The following SV2C variants were observed in gnomAD, a reference collection of about 807,000 sequenced individuals.
The protein encoded by SV2C is synaptic vesicle glycoprotein 2C.
Under a neutral mutation model 79.7 loss-of-function variants are expected in SV2C, and 49 were observed. The ratio of observed to expected loss-of-function variants is 0.61; its 90% CI spans 0.49 to 0.78. The LOEUF (loss-of-function observed/expected upper bound fraction) is 0.78, where lower values mean the gene tolerates loss of function less well. Ranked by LOEUF, SV2C falls within the 30% of genes least tolerant of loss-of-function variation. The probability of loss-of-function intolerance (pLI) is 0.00; values close to 1 mark genes in which losing one functional copy is unlikely to be tolerated. For synonymous variants in SV2C, 334 were observed against 333.2 expected, an observed-to-expected ratio of 1.00 and a Z score of -0.03; for missense variants, 833 against 912.9, an observed-to-expected ratio of 0.91 and a Z score of 1.13.
At chr5:75,954,355 C>G in the SV2C span, among the ~76,000 whole-genome samples, 1 of 151,980 alleles carries the variant, frequency 6.6e-6, no homozygotes, top group African/African-American at 2.4e-5. Flanking sequence ...AAGAGCCTAT[C>G]ATCTCTTGTC....
At chr5:75,973,051 T>C in the SV2C span, among the ~76,000 whole-genome samples, 1 of 152,026 alleles carries the variant, frequency 6.6e-6, no homozygotes. Flanking sequence ...CTGGAAACCA[T>C]CGTTCTCAGC....
At chr5:76,323,383 A>G (rs1398382459) in intron 12 of SV2C, among the ~76,000 whole-genome samples, 1 of 152,236 alleles carries the variant, frequency 6.6e-6, no homozygotes. Context: ...AAGTCAAGAA[A>G]CAATAGATGC....
the SV2C span, among the ~76,000 whole-genome samples, chr5:75,891,169 T>C: frequency 2.0e-4 from 30 of 152,112 alleles, no homozygotes; most frequent in Non-Finnish European, 7.4e-5. Context: ...CAGTATTGGT[T>C]GGGATGGAAA....
the SV2C span, among the ~76,000 whole-genome samples, chr5:76,050,278 G>A: frequency 0.018 from 2,729 of 152,288 alleles, 40 homozygotes; most frequent in South Asian, 0.049. Context: ...TGGTTTCAAT[G>A]TAGGGTGATC....
At chr5:75,908,158 T>C in the SV2C span, among the ~76,000 whole-genome samples, 7 of 152,264 alleles carry the variant, frequency 4.6e-5, no homozygotes, top group South Asian at 2.1e-4. Context: ...AGATAATTTT[T>C]AACACCTGCT....
chr5:75,963,002 T>C, the SV2C span, among the ~76,000 whole-genome samples: 1 of 151,886 alleles, frequency 6.6e-6, no homozygotes, highest in African/African-American at 2.4e-5. Flanking sequence ...GGAAAACAAC[T>C]AATGGCAACA....
chr5:75,943,355 A>T, the SV2C span, among the ~76,000 whole-genome samples: 6 of 152,174 alleles, frequency 3.9e-5, no homozygotes, highest in Admixed American at 6.6e-5. Flanking sequence ...TTTTTTCCCA[A>T]TAACATTGGC....
chr5:76,117,317 A>G (rs1324479337), intron 1 of SV2C, among the ~76,000 whole-genome samples: 1 of 152,238 alleles, frequency 6.6e-6, no homozygotes, highest in Non-Finnish European at 1.5e-5. Flanking sequence ...AATAACTGGC[A>G]CTGTAAGAAG....
chr5:75,871,830 TATATACACACACACAC>T, the SV2C span, among the ~76,000 whole-genome samples: 1 of 110,552 alleles, frequency 9.0e-6, no homozygotes, highest in East Asian at 2.3e-4. Flanking sequence ...TATATATATA[TATATACACACACACAC>T]ACACACACAC....
chr5:76,020,413 C>T, the SV2C span, among the ~76,000 whole-genome samples: 13 of 152,220 alleles, frequency 8.5e-5, no homozygotes, highest in East Asian at 5.8e-4. Flanking sequence ...TCATTCTGTC[C>T]GTGCTCTACT....
At chr5:75,970,185 G>C in the SV2C span, among the ~76,000 whole-genome samples, 2 of 151,838 alleles carry the variant, frequency 1.3e-5, no homozygotes, top group Non-Finnish European at 2.9e-5. Flanking sequence ...TGTGTAGAGG[G>C]AAATGTATAG....
At chr5:76,212,258 A>G (rs111848323) in intron 4 of SV2C, among the ~76,000 whole-genome samples, 2 of 152,302 alleles carry the variant, frequency 1.3e-5, no homozygotes, top group African/African-American at 4.8e-5. Flanking sequence ...TGAATAGGAA[A>G]TGCAGAGTCC....
At position 76,300,156 on chromosome 5, in the gene SV2C, AATTATT is replaced by A. The variant is rs142593511; in HGVS notation, c.1637-542_1637-537del. Among the ~76,000 whole-genome samples, 158 of 139,642 alleles carry A rather than the reference AATTATT, an allele frequency of 1.1e-3. 1 individual carries two copies. The highest frequency in any genetic ancestry group is 2.0e-3 in the Admixed American group (28 of 13,768). 91.6% of individuals were successfully genotyped at this position (139,642 alleles called of 152,430 possible). ...CAGCTCACTGCGGCCTCAAATAAAA[AATTATT>A]ATTATTATTATTATTATTATTATTA... On this transcript the variant is annotated intron_variant, in intron 10 of 12. Coordinates refer to ENST00000502798, the MANE Select transcript of SV2C (RefSeq NM_014979.4).
chr5:76,053,720 G>C, the SV2C span, among the ~76,000 whole-genome samples: 1 of 152,118 alleles, frequency 6.6e-6, no homozygotes. Flanking sequence ...CTCTGTTAAT[G>C]TTGAGATAAG....
At chr5:75,879,773 T>C in the SV2C span, among the ~76,000 whole-genome samples, 4 of 152,232 alleles carry the variant, frequency 2.6e-5, no homozygotes, top group Non-Finnish European at 5.9e-5. Flanking sequence ...GGACTCTGTG[T>C]AGTGACTTCA....
At chr5:75,926,048 C>T in the SV2C span, among the ~76,000 whole-genome samples, 1 of 152,170 alleles carries the variant, frequency 6.6e-6, no homozygotes, top group African/African-American at 2.4e-5. Flanking sequence ...GTTGAAATGG[C>T]TTCTGTTAAG....
intron 4 of SV2C, among the ~76,000 whole-genome samples, chr5:76,284,489 G>C (rs894794173): frequency 1.3e-5 from 2 of 152,098 alleles, no homozygotes; most frequent in African/African-American, 4.8e-5. Flanking sequence ...TGAAGATGTG[G>C]GAACCATTCA....
At chr5:76,288,140 A>T (rs978101328) in intron 6 of SV2C, among the ~76,000 whole-genome samples, 2 of 152,106 alleles carry the variant, frequency 1.3e-5, no homozygotes, top group Non-Finnish European at 2.9e-5. Context: ...GGTTGGAGGG[A>T]CATATGGTAA....
rs772631959 is a variant in SV2C at position 76,300,710 on chromosome 5, TTTG to T, written c.1637-10_1637-8del. The T allele has an allele frequency of 6.8e-6, 11 of 1,611,978 alleles. No individual in the cohort carries two copies. Among genetic ancestry groups the T allele is most frequent in the African/African-American group, 6.7e-5 (5 of 74,866 alleles). On this transcript the variant is annotated splice_polypyrimidine_tract_variant and intron_variant, in intron 10 of 12. Coordinates refer to ENST00000502798, the MANE Select transcript of SV2C (RefSeq NM_014979.4). ...CCTGGTAAGAGCTTGATGAATTGTC[TTTG>T]TTGTTGTTTCTACAGATTTTGAGCC...
Sources: allele counts gnomAD v4.1 joint callset (sites outside exome capture counted in the v4.1 genomes callset), GRCh38; gene constraint gnomAD v4.1.1; transcripts MANE v1.5; gene names NCBI Gene and HGNC (gene_info 2026-07-23, HGNC 2026-07-21).